SORCS1: variants seen among roughly 807,000 people sequenced by gnomAD.
SORCS1 encodes the protein sortilin related VPS10 domain containing receptor 1.
SORCS1 carries 60 observed loss-of-function variants against 146.1 expected under a neutral mutation model. The observed-to-expected ratio is 0.41, with a 90% CI of 0.33 to 0.51. SORCS1 has a LOEUF of 0.51. SORCS1 is among the 20% of genes least tolerant of loss of function. The pLI is 0.21. For missense variants in SORCS1, 1,352 were observed against 1,487.6 expected (o/e 0.91, Z 1.50); for synonymous variants, 637 against 584.0 (o/e 1.09, Z -1.31).
At chr10:106,689,405 C>T (rs183159269) in intron 9 of SORCS1, among the ~76,000 whole-genome samples, 41 of 152,182 alleles carry the variant, frequency 2.7e-4, no homozygotes, top group African/African-American at 9.2e-4. Flanking sequence ...TCATTTAATA[C>T]TCAGAATAAC....
intron 24 of SORCS1, among the ~76,000 whole-genome samples, chr10:106,587,144 A>G (rs1356031131): frequency 6.6e-6 from 1 of 152,200 alleles, no homozygotes; most frequent in Non-Finnish European, 1.5e-5. Flanking sequence ...GCAACTACCT[A>G]ATTACTTGAA....
At chr10:106,858,856 AGAT>A (rs1949895519) in intron 2 of SORCS1, among the ~76,000 whole-genome samples, 2 of 152,346 alleles carry the variant, frequency 1.3e-5, no homozygotes, top group South Asian at 4.1e-4. Flanking sequence ...ATCCTTCACT[AGAT>A]GATGTCCATG....
At chr10:106,589,958 C>T (rs112577753) in intron 24 of SORCS1, among the ~76,000 whole-genome samples, 6 of 152,048 alleles carry the variant, frequency 3.9e-5, no homozygotes, top group Non-Finnish European at 2.9e-5. Flanking sequence ...TCTTCACTAG[C>T]GCACAATGGA....
intron 1 of SORCS1, among the ~76,000 whole-genome samples, chr10:107,128,090 C>G (rs1966813284): frequency 6.6e-6 from 1 of 152,210 alleles, no homozygotes. Flanking sequence ...CCACTTACTA[C>G]TTGTACACTC....
chr10:107,168,962 A>C (rs1053114291), upstream of SORCS1, among the ~76,000 whole-genome samples: 32 of 152,258 alleles, frequency 2.1e-4, no homozygotes, highest in African/African-American at 7.7e-4. Context: ...ACAAGTGTGC[A>C]CTTTTTTTAG....
At chr10:107,065,856 GC>G (rs1033925794) in intron 1 of SORCS1, among the ~76,000 whole-genome samples, 22 of 151,968 alleles carry the variant, frequency 1.4e-4, no homozygotes, top group Admixed American at 1.2e-3. Context: ...ATTTAATCCT[GC>G]CAGAAATGCT....
intron 1 of SORCS1, among the ~76,000 whole-genome samples, chr10:107,130,544 G>A (rs533619799): frequency 2.0e-5 from 3 of 152,300 alleles, no homozygotes; most frequent in South Asian, 2.1e-4. Flanking sequence ...GTTCAACATC[G>A]TAACAACGGC....
chr10:106,667,033 C>T (rs1206833760), intron 17 of SORCS1: 2 of 152,216 alleles, frequency 1.3e-5, no homozygotes, highest in Non-Finnish European at 2.9e-5. Flanking sequence ...ATAGGTTCTA[C>T]ACACTATTTT....
intron 3 of SORCS1, among the ~76,000 whole-genome samples, chr10:106,808,845 G>A (rs777291299): frequency 1.3e-5 from 2 of 152,076 alleles, no homozygotes; most frequent in Non-Finnish European, 1.5e-5. Flanking sequence ...TAGCTGGAGG[G>A]GTAATCAAAA....
chr10:106,820,520 T>C (rs1947970526), intron 3 of SORCS1, among the ~76,000 whole-genome samples: 1 of 152,142 alleles, frequency 6.6e-6, no homozygotes, highest in Non-Finnish European at 1.5e-5. Context: ...ATGGAAACAA[T>C]TTAGCCCCTG....
At chr10:106,973,343 T>C (rs1955869085) in intron 1 of SORCS1, among the ~76,000 whole-genome samples, 1 of 152,198 alleles carries the variant, frequency 6.6e-6, no homozygotes, top group African/African-American at 2.4e-5. Context: ...TCTCTCACTT[T>C]ATAATCCCTT....
chr10:107,139,628 G>T (rs553878566), intron 1 of SORCS1, among the ~76,000 whole-genome samples: 5 of 152,302 alleles, frequency 3.3e-5, no homozygotes, highest in African/African-American at 1.2e-4. Flanking sequence ...GATTGGTGAA[G>T]CCCAAATACA....
intron 2 of SORCS1, among the ~76,000 whole-genome samples, chr10:106,946,452 A>C (rs1297414294): frequency 6.6e-6 from 1 of 152,132 alleles, no homozygotes; most frequent in Non-Finnish European, 1.5e-5. Flanking sequence ...TACTATTTTC[A>C]TGTTAGTGTG....
At chr10:106,940,806 C>T (rs576589316) in intron 2 of SORCS1, among the ~76,000 whole-genome samples, 13 of 152,322 alleles carry the variant, frequency 8.5e-5, no homozygotes, top group South Asian at 4.1e-4. Flanking sequence ...ACTGCTTGAA[C>T]CCGAGAGGTG....
At chr10:107,017,055 T>C (rs562709110) in intron 1 of SORCS1, among the ~76,000 whole-genome samples, 1 of 152,362 alleles carries the variant, frequency 6.6e-6, no homozygotes, top group Admixed American at 6.5e-5. Context: ...CCTACATGGC[T>C]GATGGAACTG....
At chr10:106,807,422 T>G (rs2136726446) in intron 3 of SORCS1, among the ~76,000 whole-genome samples, 1 of 152,278 alleles carries the variant, frequency 6.6e-6, no homozygotes, top group Admixed American at 6.5e-5. Flanking sequence ...ATTACATCTC[T>G]CCTCTAAGAA....
At chr10:106,742,737 C>T (rs187937641) in intron 5 of SORCS1, among the ~76,000 whole-genome samples, 6 of 152,234 alleles carry the variant, frequency 3.9e-5, no homozygotes, top group African/African-American at 9.6e-5. Context: ...GACTGCATTT[C>T]GACCAGAACC....
chr10:106,669,873 T>G lies in SORCS1; in HGVS notation c.2189+1364A>C, dbSNP rs149069139. Among the ~76,000 whole-genome samples, 146 of 152,338 alleles carry G rather than the reference T, an allele frequency of 9.6e-4. 4 individuals carry two copies. In the East Asian group the frequency reaches 0.027, roughly 28 times the overall value. On this transcript the variant is annotated intron_variant, in intron 16 of 25. Coordinates refer to ENST00000263054, the MANE Select transcript of SORCS1 (RefSeq NM_052918.5). ...TCTTGTCAGACCTTCTTAGTACTATTTATTCAGAGAATATCTCCAGATGTC... is the reference window on the plus strand; with the variant it reads ...TCTTGTCAGACCTTCTTAGTACTATGTATTCAGAGAATATCTCCAGATGTC...
intron 2 of SORCS1, among the ~76,000 whole-genome samples, chr10:106,900,866 G>A (rs1951671316): frequency 1.3e-5 from 2 of 152,254 alleles, no homozygotes; most frequent in South Asian, 4.1e-4. Flanking sequence ...GGGAGCTGAG[G>A]CACAGATAGG....
Sources: gnomAD v4.1 joint callset for allele counts (sites outside exome capture counted in the v4.1 genomes callset) on GRCh38, gnomAD v4.1.1 for gene constraint, MANE v1.5 for transcripts, NCBI Gene and HGNC (gene_info 2026-07-23, HGNC 2026-07-21) for gene names.